The following IQCH variants were observed in gnomAD, a reference collection of about 807,000 sequenced individuals.
The protein encoded by IQCH is IQ motif containing H.
A neutral mutation model predicts 117.0 loss-of-function variants in IQCH; 98 were observed. The ratio of observed to expected loss-of-function variants is 0.84; its 90% CI spans 0.71 to 0.99. The LOEUF (loss-of-function observed/expected upper bound fraction) is 0.99. Among genes scored for constraint, IQCH ranks in the 50% least tolerant of loss-of-function variants. The pLI is 0.00. For synonymous variants in IQCH, 412 were observed against 448.2 expected (o/e 0.92, Z 1.02); for missense variants, 1,102 against 1,243.8 (o/e 0.89, Z 1.72).
intron 6 of IQCH, 131 bp from the exon 7 acceptor site, chr15:67,357,214 A>G (rs1969924302): frequency 1.5e-6 from 1 of 665,968 alleles, no homozygotes; most frequent in Admixed American, 2.4e-5. Context: ...GAATGAATAC[A>G]GAAAGAAAGG....
intron 8 of IQCH, among the ~76,000 whole-genome samples, chr15:67,367,361 C>A (rs183825315): frequency 2.7e-4 from 41 of 152,064 alleles, no homozygotes; most frequent in African/African-American, 9.6e-4. Context: ...GATAGTGAGA[C>A]CCTTATCTCT....
At chr15:67,421,656 A>G in intron 16 of IQCH, 79 bp downstream of exon 16, 2 of 1,386,834 alleles carry the variant, frequency 1.4e-6, no homozygotes, top group Non-Finnish European at 2.0e-6. Flanking sequence ...ACAACAGGGC[A>G]TATGAGGGCT....
rs140381065 is a variant in IQCH, at chr15:67,321,949, G to T, written c.388-15026G>T. 6.4e-4 allele frequency among the ~76,000 whole-genome samples: 97 copies of T among 152,248 alleles called. 1 individual carries two copies. Among genetic ancestry groups the T allele is most frequent in the Admixed American group, 4.3e-3 (66 of 15,300 alleles). ...AAAGAATGTATATCCTACAATTGTT[G>T]GTTTGTGGTGTTCTATAAATGTTAG... On this transcript the variant is annotated intron_variant, in intron 4 of 20. Coordinates refer to ENST00000335894, the MANE Select transcript of IQCH (RefSeq NM_001031715.3).
chr15:67,255,051 C>T, intron 1 of IQCH, 104 bp downstream of exon 1: 2 of 1,114,704 alleles, frequency 1.8e-6, no homozygotes, highest in East Asian at 2.6e-5. Flanking sequence ...GTGCGCCGCC[C>T]CTAGACTCCC....
intron 3 of IQCH, among the ~76,000 whole-genome samples, chr15:67,271,597 C>T (rs1965901531): frequency 6.6e-6 from 1 of 152,012 alleles, no homozygotes; most frequent in South Asian, 2.1e-4. Flanking sequence ...CTCTTTACTC[C>T]TTATTGGTTT....
Position 67,426,390 on chromosome 15 carries a change from G to C in IQCH, c.2505+4813G>C, listed in dbSNP as rs74020184. 0.017 allele frequency among the ~76,000 whole-genome samples: 2,552 copies of C among 152,090 alleles called. 76 individuals carry two copies. The highest frequency in any genetic ancestry group is 0.058 in the African/African-American group (2,425 of 41,474). ...CTCCAATTTCAATCCAGCACCTCAA[G>C]GTTCTTTCTAGAATTCCCCTTTTCC... On this transcript the variant is annotated intron_variant, in intron 16 of 20. Coordinates refer to ENST00000335894, the MANE Select transcript of IQCH (RefSeq NM_001031715.3). The surrounding 1 kb of genome is among the most constrained non-coding windows in gnomAD (Gnocchi z 5.1).
In IQCH at chr15:67,254,849, T is replaced by A. The variant is rs1365013786; in HGVS notation, c.-48T>A. ...GAGCGGCTCCGGCTGAAGGTTTCCG[T>A]GCTTGGAAACCGCGCCTCCGCGGAG... On this transcript the variant is annotated 5_prime_UTR_variant, in exon 1 of 21. Coordinates refer to ENST00000335894, the MANE Select transcript of IQCH (RefSeq NM_001031715.3). 1.3e-6 allele frequency: 2 copies of A among 1,587,832 alleles called. No homozygotes were observed. The highest frequency in any genetic ancestry group is 1.7e-6 in the Non-Finnish European group (2 of 1,161,374).
At chr15:67,269,081 A>G (rs954273493) in intron 3 of IQCH, among the ~76,000 whole-genome samples, 3 of 152,154 alleles carry the variant, frequency 2.0e-5, no homozygotes, top group African/African-American at 7.2e-5. Flanking sequence ...CCACTCACAG[A>G]GATGGAAATG....
chr15:67,284,069 T>C (rs138270858), intron 4 of IQCH, among the ~76,000 whole-genome samples: 24 of 152,282 alleles, frequency 1.6e-4, no homozygotes, highest in African/African-American at 5.8e-4. Flanking sequence ...TACTCTTTAG[T>C]TATTTTTAAT....
chr15:67,357,569 A>C (rs1969943906), intron 7 of IQCH, 148 bp downstream of exon 7: 2 of 654,390 alleles, frequency 3.1e-6, no homozygotes, highest in East Asian at 5.5e-5. Context: ...TTTGACTTTC[A>C]AAAGGGGAAT....
chr15:67,493,128 G>A lies in IQCH; in HGVS notation c.2862-1130G>A, dbSNP rs550779270. On this transcript the variant is annotated intron_variant, in intron 19 of 20. Transcript: ENST00000335894. The surrounding 1 kb of genome is among the most constrained non-coding windows in gnomAD (Gnocchi z 5.1). ...AGGGCACAGTTGACATGGACCTCTC[G>A]AAAGCCTTTAGTCCTTTTCTACTGT... Among the ~76,000 whole-genome samples the A allele has an allele frequency of 1.3e-5, 2 of 152,188 alleles. No individual in the cohort carries two copies. The highest frequency in any genetic ancestry group is 2.9e-5 in the Non-Finnish European group (2 of 68,036).
chr15:67,464,431 A>G lies in IQCH; in HGVS notation c.2506-696A>G, dbSNP rs538790104. On this transcript the variant is annotated intron_variant, in intron 16 of 20. Transcript: ENST00000335894. ...AGCAGTTGACATTAACTTATAACCA[A>G]TGTCTATTTTTTAAAGCATTTTTAT... Among the ~76,000 whole-genome samples, 6 of 152,316 alleles carry G rather than the reference A, an allele frequency of 3.9e-5. No individual in the cohort carries two copies. The East Asian group carries it at 1.2e-3, about 29-fold the overall frequency.
intron 3 of IQCH, among the ~76,000 whole-genome samples, chr15:67,267,070 T>C (rs1965706857): frequency 6.6e-6 from 1 of 152,208 alleles, no homozygotes; most frequent in South Asian, 2.1e-4. Flanking sequence ...TTCCACTGTT[T>C]TGTGGTTTGG....
chr15:67,345,190 C>T (rs1377235259), intron 6 of IQCH, among the ~76,000 whole-genome samples: 1 of 152,090 alleles, frequency 6.6e-6, no homozygotes, highest in African/African-American at 2.4e-5. Context: ...GAGGTTTCAC[C>T]GTGTTGGCCA....
chr15:67,343,169 G>A (rs147828342), intron 5 of IQCH, among the ~76,000 whole-genome samples: 1 of 152,228 alleles, frequency 6.6e-6, no homozygotes, highest in African/African-American at 2.4e-5. Flanking sequence ...ACCAAGTTGT[G>A]TGCCAAATTC....
At chr15:67,277,758 C>T (rs1966188761) in intron 3 of IQCH, among the ~76,000 whole-genome samples, 1 of 152,054 alleles carries the variant, frequency 6.6e-6, no homozygotes, top group South Asian at 2.1e-4. Context: ...TGGTCTCGAT[C>T]TCCTGACCTC....
At chr15:67,286,376 A>G (rs1407434902) in intron 4 of IQCH, among the ~76,000 whole-genome samples, 2 of 152,142 alleles carry the variant, frequency 1.3e-5, no homozygotes, top group Admixed American at 1.3e-4. Flanking sequence ...ATCATCTGCA[A>G]ACAAGGATAA....
Position 67,390,732 on chromosome 15 carries a change from G to A in IQCH, c.1632+1726G>A, listed in dbSNP as rs554555865. 3.3e-5 allele frequency among the ~76,000 whole-genome samples: 5 copies of A among 152,176 alleles called. No homozygotes were observed. The highest frequency in any genetic ancestry group is 1.9e-4 in the East Asian group (1 of 5,172). The stretch of plus-strand genomic sequence containing the variant: ...TCGAACTCCTGACCTCAAGTGATCC[G>A]CCTGCCTTGGCCTCCCAAAGTGCTG... On this transcript the variant is annotated intron_variant, in intron 12 of 20. Coordinates refer to ENST00000335894, the MANE Select transcript of IQCH (RefSeq NM_001031715.3). This position sits in a 1 kb window ranked among gnomAD's most constrained non-coding sequence, Gnocchi z 5.0.
rs185753151 is a variant in IQCH at position 67,277,768 on chromosome 15, C to A, written c.270-1627C>A. ...CAGGATGGTCTCGATCTCCTGACCT[C>A]ATGATCCACCCGCCTCAGCCTCCCA... is the stretch of plus-strand genomic sequence containing the variant. On this transcript the variant is annotated intron_variant, in intron 3 of 20. Transcript: ENST00000335894. 4.7e-4 allele frequency among the ~76,000 whole-genome samples: 71 copies of A among 152,110 alleles called. 1 individual carries two copies. In the East Asian group the frequency reaches 0.011, roughly 24 times the overall value.
Sources: allele counts gnomAD v4.1 joint callset (sites outside exome capture counted in the v4.1 genomes callset), GRCh38; gene constraint gnomAD v4.1.1; non-coding constraint Gnocchi (gnomAD v3.1); transcripts MANE v1.5; gene names NCBI Gene and HGNC (gene_info 2026-07-23, HGNC 2026-07-21).